ALG9: variants seen among roughly 807,000 people sequenced by gnomAD.
The protein encoded by ALG9 is alpha-1,2-mannosyltransferase ALG9.
ALG9 carries 55 observed loss-of-function variants against 81.8 expected under a neutral mutation model. The observed-to-expected ratio is 0.67, with a 90% CI of 0.54 to 0.84. The LOEUF is 0.84. Ranked by LOEUF, ALG9 falls within the 40% of genes least tolerant of loss-of-function variation. The pLI, the probability that ALG9 is intolerant of heterozygous loss-of-function variation, is 0.00. For missense variants in ALG9, 629 were observed against 745.0 expected (o/e 0.84, Z 1.81); for synonymous variants, 278 against 274.3 (o/e 1.01, Z -0.13).
At chr11:111,864,736 T>C (rs868990319) in intron 4 of ALG9, among the ~76,000 whole-genome samples, 2 of 152,168 alleles carry the variant, frequency 1.3e-5, no homozygotes, top group Middle Eastern at 3.4e-3. Context: ...AATATGTATA[T>C]GATATATATA....
At chr11:111,830,004 A>G (rs1482394126) in intron 13 of ALG9, among the ~76,000 whole-genome samples, 1 of 152,240 alleles carries the variant, frequency 6.6e-6, no homozygotes, top group Non-Finnish European at 1.5e-5. Context: ...TAAACACTCC[A>G]GTTGGATTTC....
the ALG9 span, among the ~76,000 whole-genome samples, chr11:111,774,071 A>T: frequency 3.9e-5 from 3 of 77,606 alleles, no homozygotes; most frequent in South Asian, 3.6e-4. Context: ...TATCTTATTA[A>T]AAAAAAAAAA....
chr11:111,862,239 C>CTTTTTTTTT (rs782528613), intron 4 of ALG9, among the ~76,000 whole-genome samples: 32 of 131,360 alleles, frequency 2.4e-4, no homozygotes, highest in Non-Finnish European at 3.0e-4. Flanking sequence ...TCTTTTTTTT[C>CTTTTTTTTT]TTTTTTTTTT....
intron 14 of ALG9, among the ~76,000 whole-genome samples, chr11:111,791,647 C>CA (rs1565596265): frequency 6.6e-6 from 1 of 152,196 alleles, no homozygotes; most frequent in African/African-American, 2.4e-5. Flanking sequence ...CTCTACACTC[C>CA]GGCCACACCA....
At chr11:111,869,405 A>G (rs1164242215) in intron 2 of ALG9, among the ~76,000 whole-genome samples, 3 of 152,038 alleles carry the variant, frequency 2.0e-5, no homozygotes, top group South Asian at 4.1e-4. Context: ...AATAGCAATA[A>G]AAGTATACTA....
chr11:111,838,071 C>T (rs1955617321), intron 11 of ALG9, among the ~76,000 whole-genome samples, 178 bp downstream of exon 11: 1 of 152,232 alleles, frequency 6.6e-6, no homozygotes, highest in Non-Finnish European at 1.5e-5. Flanking sequence ...TCTCAATCTT[C>T]TCTTCAATCC....
chr11:111,771,675 C>T, the ALG9 span, among the ~76,000 whole-genome samples: 4 of 152,136 alleles, frequency 2.6e-5, no homozygotes, highest in Admixed American at 6.5e-5. Flanking sequence ...CTGAGGCACA[C>T]GGAAGCATTT....
intron 14 of ALG9, chr11:111,805,075 T>C (rs1407512325): frequency 3.1e-6 from 1 of 322,942 alleles, no homozygotes; most frequent in Non-Finnish European, 6.1e-6. Context: ...AATTCATATG[T>C]TGAAGTCTAA....
At position 111,868,669 on chromosome 11, in the gene ALG9, G is replaced by A. The variant is rs1555155594; in HGVS notation, c.338C>T (p.Ser113Phe). ...GGCATGAAGCAACAGGTAAGCATAGGAGCGAATGGCATATGCTGGGGAATA... is the reference window on the plus strand; with the variant it reads ...GGCATGAAGCAACAGGTAAGCATAGAAGCGAATGGCATATGCTGGGGAATA... ...WEYSPAYAIR[S>F]YAYLLLHAWP... The change falls in exon 3 of 15, where the codon TCC becomes TTC. Residue 113 changes from serine to phenylalanine, a missense_variant. Ser to Phe is a radical substitution (Grantham distance 155). Transcript: ENST00000616540. 2 of 1,613,846 alleles carry A rather than the reference G, an allele frequency of 1.2e-6. No homozygotes were observed. Among genetic ancestry groups the A allele is most frequent in the African/African-American group, 1.3e-5 (1 of 74,928 alleles).
At chr11:111,821,938 A>G (rs1456661236) in intron 13 of ALG9, among the ~76,000 whole-genome samples, 1 of 152,114 alleles carries the variant, frequency 6.6e-6, no homozygotes, top group Admixed American at 6.5e-5. Context: ...CCGGCTACCC[A>G]GGCTTCTCTG....
chr11:111,780,194 C>T (rs1945850689), downstream of ALG9, among the ~76,000 whole-genome samples: 1 of 152,044 alleles, frequency 6.6e-6, no homozygotes, highest in Non-Finnish European at 1.5e-5. Flanking sequence ...GGGCTAGGTC[C>T]GACCCTCTAA....
chr11:111,865,328 T>C, intron 3 of ALG9, 77 bp from the exon 4 acceptor site: 1 of 1,091,980 alleles, frequency 9.2e-7, no homozygotes, highest in Non-Finnish European at 1.3e-6. Context: ...ACCACTCTCA[T>C]TTATTGTCAA....
downstream of ALG9, among the ~76,000 whole-genome samples, chr11:111,778,982 TTTTGTA>T (rs1350773272): frequency 2.0e-5 from 3 of 152,064 alleles, no homozygotes; most frequent in Non-Finnish European, 2.9e-5. Flanking sequence ...GCCCGACTAA[TTTTGTA>T]TTTTTAGTAG....
chr11:111,822,019 C>A (rs1327703940), intron 13 of ALG9, among the ~76,000 whole-genome samples: 6 of 152,076 alleles, frequency 3.9e-5, no homozygotes, highest in Non-Finnish European at 8.8e-5. Context: ...TGAGGGACTT[C>A]GAGATAGATA....
chr11:111,773,292 T>A, the ALG9 span, among the ~76,000 whole-genome samples: 3 of 152,120 alleles, frequency 2.0e-5, no homozygotes, highest in Non-Finnish European at 2.9e-5. Context: ...TTGCCCAGGC[T>A]GTAGTACAAT....
the ALG9 span, chr11:111,770,997 G>A: frequency 2.0e-5 from 3 of 152,352 alleles, no homozygotes; most frequent in East Asian, 5.8e-4. Flanking sequence ...CACTCATCCA[G>A]TGTGGATCAA....
intron 8 of ALG9, among the ~76,000 whole-genome samples, chr11:111,851,732 C>T (rs368529144): frequency 6.6e-6 from 1 of 152,104 alleles, no homozygotes; most frequent in Non-Finnish European, 1.5e-5. Flanking sequence ...GATCTAAGAT[C>T]TTTTATTGCC....
At chr11:111,864,149 A>C (rs548904642) in intron 4 of ALG9, 11 of 517,642 alleles carry the variant, frequency 2.1e-5, no homozygotes, top group Non-Finnish European at 3.5e-5. Flanking sequence ...AAAAATTAAA[A>C]AAAGAAAAAG....
intron 10 of ALG9, among the ~76,000 whole-genome samples, chr11:111,840,154 T>G (rs1168233309): frequency 6.6e-6 from 1 of 152,182 alleles, no homozygotes; most frequent in African/African-American, 2.4e-5. Flanking sequence ...TTCTGCCAAC[T>G]GCAAATGGTA....
Sources: allele counts gnomAD v4.1 joint callset (sites outside exome capture counted in the v4.1 genomes callset), GRCh38; gene constraint gnomAD v4.1.1; transcripts MANE v1.5; gene names NCBI Gene and HGNC (gene_info 2026-07-23, HGNC 2026-07-21).